QNG1: variants seen among roughly 807,000 people sequenced by gnomAD.
QNG1 encodes the protein queuosine 5'-phosphate N-glycosylase/hydrolase.
At chr9:83,947,086 A>T in the QNG1 span, among the ~76,000 whole-genome samples, 3 of 152,108 alleles carry the variant, frequency 2.0e-5, no homozygotes, top group Admixed American at 2.0e-4. Flanking sequence ...CACCCCAAAA[A>T]CACTCTGTAA....
the QNG1 span, among the ~76,000 whole-genome samples, chr9:83,954,290 AG>A: frequency 6.6e-6 from 1 of 151,282 alleles, no homozygotes; most frequent in Non-Finnish European, 1.5e-5. Flanking sequence ...ATTTTCCATA[AG>A]GAGAACATTA....
At chr9:83,944,328 AATC>A in the QNG1 span, among the ~76,000 whole-genome samples, 3 of 152,208 alleles carry the variant, frequency 2.0e-5, no homozygotes, top group Non-Finnish European at 4.4e-5. Flanking sequence ...TGATATCAAT[AATC>A]ATATCCAATA....
the QNG1 span, chr9:83,955,502 A>T: frequency 1.8e-5 from 29 of 1,614,098 alleles, no homozygotes; most frequent in Non-Finnish European, 2.5e-5. Flanking sequence ...CTTCTCCAGC[A>T]GAATTTTCCC....
chr9:83,956,838 G>C, the QNG1 span: 1 of 246,116 alleles, frequency 4.1e-6, no homozygotes, highest in East Asian at 8.6e-5. Flanking sequence ...GGCGTTCACC[G>C]GCCGTGAGTT....
the QNG1 span, chr9:83,955,783 C>T: frequency 1.3e-6 from 1 of 781,250 alleles, no homozygotes; most frequent in Non-Finnish European, 2.1e-6. Flanking sequence ...AAATCTAAAG[C>T]AAAACTCATT....
At chr9:83,947,161 C>T in the QNG1 span, among the ~76,000 whole-genome samples, 1 of 152,126 alleles carries the variant, frequency 6.6e-6, no homozygotes, top group African/African-American at 2.4e-5. Flanking sequence ...ACTACTAGTC[C>T]TAATACCAAT....
At chr9:83,954,294 GAA>G in the QNG1 span, among the ~76,000 whole-genome samples, 1 of 151,944 alleles carries the variant, frequency 6.6e-6, no homozygotes, top group Non-Finnish European at 1.5e-5. Context: ...TCCATAAGGA[GAA>G]CATTACATGG....
the QNG1 span, chr9:83,939,860 T>G: frequency 1.5e-6 from 1 of 686,154 alleles, no homozygotes; most frequent in Non-Finnish European, 2.5e-6. Flanking sequence ...ACTGTAAATC[T>G]CAGACGTTAT....
the QNG1 span, among the ~76,000 whole-genome samples, chr9:83,940,865 C>A: frequency 6.6e-6 from 1 of 152,204 alleles, no homozygotes; most frequent in Admixed American, 6.5e-5. Flanking sequence ...ATCCAACTCT[C>A]CCATGGGCTT....
At chr9:83,949,618 C>T in the QNG1 span, among the ~76,000 whole-genome samples, 4,815 of 152,114 alleles carry the variant, frequency 0.032, 135 homozygotes, top group Non-Finnish European at 0.049. Context: ...TGCACTCCAG[C>T]CTCGGCAACA....
chr9:83,948,004 C>G, the QNG1 span, among the ~76,000 whole-genome samples: 1 of 142,656 alleles, frequency 7.0e-6, no homozygotes, highest in Non-Finnish European at 1.5e-5. Context: ...CCCCTCTGCC[C>G]GGCCGCCCAG....
At chr9:83,943,815 AT>A in the QNG1 span, among the ~76,000 whole-genome samples, 6 of 152,050 alleles carry the variant, frequency 3.9e-5, no homozygotes, top group African/African-American at 1.4e-4. Flanking sequence ...AGGTCAGGAG[AT>A]CGAGACCATC....
chr9:83,947,689 T>C, the QNG1 span, among the ~76,000 whole-genome samples: 1 of 152,316 alleles, frequency 6.6e-6, no homozygotes, highest in African/African-American at 2.4e-5. Flanking sequence ...GGTTTTTGTA[T>C]TTTTTGGTGG....
chr9:83,949,038 C>T, the QNG1 span, among the ~76,000 whole-genome samples: 1 of 63,038 alleles, frequency 1.6e-5, no homozygotes, highest in Non-Finnish European at 2.7e-5. Context: ...CCACTATTGT[C>T]GATGACCCTG....
chr9:83,955,286 A>G, the QNG1 span: 104 of 1,326,012 alleles, frequency 7.8e-5, no homozygotes, highest in African/African-American at 1.4e-3. Flanking sequence ...TACATTTAAA[A>G]ATTTAAGTTT....
chr9:83,952,852 C>G, the QNG1 span, among the ~76,000 whole-genome samples: 1 of 150,446 alleles, frequency 6.6e-6, no homozygotes, highest in Non-Finnish European at 1.5e-5. Flanking sequence ...CCTGGAATCC[C>G]AGCTACTCGG....
At chr9:83,952,948 A>G in the QNG1 span, among the ~76,000 whole-genome samples, 1 of 149,534 alleles carries the variant, frequency 6.7e-6, no homozygotes, top group East Asian at 2.0e-4. Context: ...TGACAGAGTG[A>G]GACTCTGTCT....
the QNG1 span, chr9:83,956,172 A>G: frequency 1.2e-6 from 2 of 1,610,278 alleles, no homozygotes; most frequent in Non-Finnish European, 1.7e-6. Flanking sequence ...ACCTTCGTCG[A>G]GGGCTCTGTT....
At chr9:83,956,433 A>C in the QNG1 span, 1 of 1,568,388 alleles carries the variant, frequency 6.4e-7, no homozygotes, top group Non-Finnish European at 8.6e-7. Context: ...TCCGCTGTCA[A>C]TAAACACATC....
Sources: allele counts gnomAD v4.1 joint callset (sites outside exome capture counted in the v4.1 genomes callset), GRCh38; gene constraint gnomAD v4.1.1; transcripts MANE v1.5; gene names NCBI Gene and HGNC (gene_info 2026-07-23, HGNC 2026-07-21).